The following PPARGC1B variants were observed in gnomAD, a reference collection of about 807,000 sequenced individuals.
PPARGC1B encodes the protein peroxisome proliferator-activated receptor gamma coactivator 1-beta.
In PPARGC1B, 34 loss-of-function variants were observed where a neutral mutation model predicts 101.6. The observed-to-expected ratio is 0.33, with a 90% CI of 0.25 to 0.45. The LOEUF is 0.45. PPARGC1B is among the 20% of genes least tolerant of loss of function. The pLI, the probability that PPARGC1B is intolerant of heterozygous loss-of-function variation, is 1.00. For synonymous variants in PPARGC1B, 548 were observed against 539.3 expected (o/e 1.02, Z -0.22); for missense variants, 1,234 against 1,317.6 (o/e 0.94, Z 0.98).
Position 149,742,443 on chromosome 5 carries a change from T to G in PPARGC1B, c.78+12023T>G, listed in dbSNP as rs1004963875. 5.9e-5 allele frequency among the ~76,000 whole-genome samples: 9 copies of G among 152,138 alleles called. No homozygotes were observed. The South Asian group carries it at 6.2e-4, about 11-fold the overall frequency. ...TTCCCTCAATACTCTGCCACTCTGG[T>G]GAGTTTATTTCTGCCCTCCAGCCAT... On this transcript the variant is annotated intron_variant, in intron 1 of 11. Coordinates refer to ENST00000309241, the MANE Select transcript of PPARGC1B (RefSeq NM_133263.4).
At chr5:149,786,251 C>T (rs1756804339) in intron 1 of PPARGC1B, among the ~76,000 whole-genome samples, 1 of 152,136 alleles carries the variant, frequency 6.6e-6, no homozygotes, top group Admixed American at 6.5e-5. Flanking sequence ...CATCATCACC[C>T]CCAGCTAATT....
At chr5:149,772,243 G>A (rs1368059008) in intron 1 of PPARGC1B, 1 of 1,563,086 alleles carries the variant, frequency 6.4e-7, no homozygotes, top group Middle Eastern at 1.7e-4. Context: ...AGGGTGTTGG[G>A]TAGACACATG....
chr5:149,770,024 C>T (rs999720571), intron 1 of PPARGC1B, among the ~76,000 whole-genome samples: 1 of 152,132 alleles, frequency 6.6e-6, no homozygotes, highest in Non-Finnish European at 1.5e-5. Flanking sequence ...CTGTGGGGGA[C>T]CTTATGCTGC....
rs749419605 is a variant in PPARGC1B, at chr5:149,820,471, T to A, written c.117T>A (p.Phe39Leu). The A allele has an allele frequency of 6.2e-7, 1 of 1,614,046 alleles. No individual in the cohort carries two copies. The highest frequency in any genetic ancestry group is 8.5e-7 in the Non-Finnish European group (1 of 1,180,012). The stretch of plus-strand genomic sequence containing the variant: ...GGGAGGAGCAACTCTATGCTGACTT[T>A]CCAGAACTTGACCTCTCCCAGCTGG... ...GSGEEQLYAD[F>L]PELDLSQLDA... The change falls in exon 2 of 12, where the codon TTT becomes TTA. Residue 39 changes from phenylalanine to leucine, a missense_variant. Around this residue, in one of 3 missense-constraint regions of PPARGC1B, gnomAD observed 734 missense variants for 768.4 expected, o/e 0.96. Transcript: ENST00000309241.
At chr5:149,799,684 C>CTTGTTGTTGTTG (rs1459069676) in intron 1 of PPARGC1B, among the ~76,000 whole-genome samples, 1 of 107,394 alleles carries the variant, frequency 9.3e-6, no homozygotes, top group African/African-American at 3.4e-5. Flanking sequence ...TGTTTGTTTG[C>CTTGTTGTTGTTG]TTGTTGTTGT....
intron 1 of PPARGC1B, among the ~76,000 whole-genome samples, chr5:149,809,166 C>CAGATAG (rs1757718394): frequency 1.9e-5 from 1 of 53,116 alleles, no homozygotes; most frequent in Non-Finnish European, 3.9e-5. Flanking sequence ...TAGATAGATC[C>CAGATAG]ATCTCTACCA....
intron 2 of PPARGC1B, among the ~76,000 whole-genome samples, chr5:149,824,658 C>T (rs551496337): frequency 6.6e-6 from 1 of 152,114 alleles, no homozygotes; most frequent in Non-Finnish European, 1.5e-5. Flanking sequence ...TCAAGCTGGA[C>T]AGATGGTTCT....
At chr5:149,762,960 AT>A (rs1235978334) in intron 1 of PPARGC1B, among the ~76,000 whole-genome samples, 7 of 151,954 alleles carry the variant, frequency 4.6e-5, no homozygotes, top group Admixed American at 4.6e-4. Context: ...CACATTTTTA[AT>A]TTTTTTGTAG....
intron 1 of PPARGC1B, among the ~76,000 whole-genome samples, chr5:149,811,000 T>C (rs1381179259): frequency 1.3e-5 from 2 of 152,154 alleles, no homozygotes; most frequent in Non-Finnish European, 2.9e-5. Flanking sequence ...GAGTGGAAAC[T>C]ACGGCTGGGA....
intron 1 of PPARGC1B, chr5:149,772,262 G>T: frequency 6.5e-7 from 1 of 1,542,184 alleles, no homozygotes; most frequent in South Asian, 1.2e-5. Flanking sequence ...TGGTTGTGAT[G>T]TGGCGATGGT....
intron 1 of PPARGC1B, among the ~76,000 whole-genome samples, chr5:149,786,489 G>A (rs10875549): frequency 0.22 from 32,824 of 152,102 alleles, 3,881 homozygotes; most frequent in East Asian, 0.37. Flanking sequence ...CTCCTGTCTC[G>A]GCCTCCCGAA....
rs1350656318 is a variant in PPARGC1B at position 149,731,901 on chromosome 5, C to G, written c.78+1481C>G. On this transcript the variant is annotated intron_variant, in intron 1 of 11. Transcript: ENST00000309241. ...GGCCGCCCCTGGCCCGCTGCAGACG[C>G]CGCTGCGTAGGGGAGCCGCGGGGCC... Among the ~76,000 whole-genome samples the G allele has an allele frequency of 2.6e-5, 4 of 152,084 alleles. No individual in the cohort carries two copies. The East Asian group carries it at 7.8e-4, about 30-fold the overall frequency.
At chr5:149,785,555 C>T (rs569449879) in intron 1 of PPARGC1B, among the ~76,000 whole-genome samples, 9 of 152,126 alleles carry the variant, frequency 5.9e-5, no homozygotes, top group Non-Finnish European at 1.2e-4. Context: ...TTCTTTTTTC[C>T]CCTTTACCTT....
rs866830326 is a variant in PPARGC1B, at chr5:149,799,690, G to T, written c.79-20743G>T. ...TTTTTTGTTTGTTTGTTTGCTTGTT[G>T]TTGTTTTTTTTTTTTTTTTTTTTTG... On this transcript the variant is annotated intron_variant, in intron 1 of 11. Transcript: ENST00000309241. Among the ~76,000 whole-genome samples the T allele has an allele frequency of 3.7e-3, 239 of 65,016 alleles. 1 individual carries two copies. Among genetic ancestry groups the T allele is most frequent in the African/African-American group, 0.011 (205 of 18,680 alleles). The allele number at this position is 65,016 out of a possible 152,430, so 42.7% of individuals were successfully genotyped here. A position where few individuals can be genotyped will look rare whatever the true frequency, so the allele number is the denominator to read the frequency against.
At chr5:149,834,409 C>T (rs1758956604) in intron 5 of PPARGC1B, among the ~76,000 whole-genome samples, 1 of 152,270 alleles carries the variant, frequency 6.6e-6, no homozygotes, top group African/African-American at 2.4e-5. Flanking sequence ...TTCTTCCTCA[C>T]TGTGCTACAC....
chr5:149,739,841 T>G (rs368860365), intron 1 of PPARGC1B, among the ~76,000 whole-genome samples: 1 of 152,168 alleles, frequency 6.6e-6, no homozygotes, highest in Non-Finnish European at 1.5e-5. Flanking sequence ...GACTACCCAG[T>G]GAGGGAGAGG....
intron 1 of PPARGC1B, among the ~76,000 whole-genome samples, chr5:149,755,800 T>C (rs1755499954): frequency 6.6e-6 from 1 of 151,962 alleles, no homozygotes. Flanking sequence ...TCCGCCACCA[T>C]GCCCAGCTAA....
At chr5:149,823,693 G>T (rs1412668848) in intron 2 of PPARGC1B, among the ~76,000 whole-genome samples, 1 of 152,190 alleles carries the variant, frequency 6.6e-6, no homozygotes, top group Non-Finnish European at 1.5e-5. Context: ...GGAAGCAGTG[G>T]CCAGCGTGGG....
intron 1 of PPARGC1B, among the ~76,000 whole-genome samples, chr5:149,756,514 G>T (rs1755526073): frequency 6.6e-6 from 1 of 152,132 alleles, no homozygotes. Context: ...TCATACTAAA[G>T]TGCCTGTTAT....
Sources: gnomAD v4.1 joint callset for allele counts (sites outside exome capture counted in the v4.1 genomes callset) on GRCh38, gnomAD v4.1.1 for gene constraint, gnomAD v4.1.1 regional missense constraint, MANE v1.5 for transcripts, NCBI Gene and HGNC (gene_info 2026-07-23, HGNC 2026-07-21) for gene names.